Variants in PRKN observed in about 807,000 individuals in gnomAD.
PRKN encodes the protein parkin RBR E3 ubiquitin protein ligase, also known as E3 ubiquitin-protein ligase parkin.
A neutral mutation model predicts 59.5 loss-of-function variants in PRKN; 56 were observed. That is an observed-to-expected ratio of 0.94 (90% CI 0.76 to 1.18). The LOEUF (loss-of-function observed/expected upper bound fraction) is 1.18, where lower values mean the gene tolerates loss of function less well. Ranked by LOEUF, PRKN falls within the 50% of genes most tolerant of loss-of-function variation. The pLI is 0.00. For missense variants in PRKN, 657 were observed against 596.4 expected (o/e 1.10, Z -1.06); for synonymous variants, 250 against 222.1 (o/e 1.13, Z -1.12).
intron 1 of PRKN, among the ~76,000 whole-genome samples, chr6:162,497,648 T>C (rs1793126666): frequency 1.3e-5 from 2 of 152,238 alleles, no homozygotes; most frequent in African/African-American, 4.8e-5. Context: ...AATAAAGCTC[T>C]GCAATGTTGA....
chr6:162,647,572 AT>A (rs1583976842), intron 1 of PRKN, among the ~76,000 whole-genome samples: 1 of 152,296 alleles, frequency 6.6e-6, no homozygotes, highest in East Asian at 1.9e-4. Flanking sequence ...AAGCTGAATT[AT>A]TAATAATATA....
chr6:162,542,461 A>G (rs946582268), intron 1 of PRKN, among the ~76,000 whole-genome samples: 1 of 152,140 alleles, frequency 6.6e-6, no homozygotes, highest in African/African-American at 2.4e-5. Context: ...CCTTAAATCT[A>G]TAAGAAACAT....
At chr6:161,491,683 T>G (rs1196635767) in intron 9 of PRKN, among the ~76,000 whole-genome samples, 1 of 151,650 alleles carries the variant, frequency 6.6e-6, no homozygotes, top group East Asian at 1.9e-4. Context: ...CGGGCTGGAG[T>G]GCAATGGCGC....
At chr6:162,387,830 G>T (rs1459178404) in intron 2 of PRKN, among the ~76,000 whole-genome samples, 1 of 152,174 alleles carries the variant, frequency 6.6e-6, no homozygotes, top group South Asian at 2.1e-4. Context: ...GTGGAAATCT[G>T]CATGGGAGGA....
chr6:162,655,020 A>C (rs1325211456), intron 1 of PRKN, among the ~76,000 whole-genome samples: 7 of 152,136 alleles, frequency 4.6e-5, no homozygotes, highest in Admixed American at 4.6e-4. Flanking sequence ...TTTTCTAACA[A>C]TTCTGTATGC....
At position 161,898,045 on chromosome 6, in the gene PRKN, C is replaced by A. The variant is rs1279544510; in HGVS notation, c.734+75257G>T. On this transcript the variant is annotated intron_variant, in intron 6 of 11. Coordinates refer to ENST00000366898, the MANE Select transcript of PRKN (RefSeq NM_004562.3). ...GCTACATCTTCAATTAAATCAAGAA[C>A]AAATCTCTGATTATTGAGTTTTAAG... Among the ~76,000 whole-genome samples the A allele has an allele frequency of 2.1e-5, 3 of 143,986 alleles. No individual in the cohort carries two copies. The Admixed American group carries it at 2.1e-4, about 10-fold the overall frequency. 94.5% of individuals were successfully genotyped at this position (143,986 alleles called of 152,430 possible). A position where few individuals can be genotyped will look rare whatever the true frequency, so the allele number is the denominator to read the frequency against.
At chr6:161,973,280 G>A in intron 6 of PRKN, 22 bp downstream of exon 6, 1 of 1,468,372 alleles carries the variant, frequency 6.8e-7, no homozygotes. Context: ...GGAGGGAAGT[G>A]ACACTATTTT....
intron 9 of PRKN, among the ~76,000 whole-genome samples, chr6:161,521,103 A>G (rs1286224514): frequency 6.6e-6 from 1 of 152,200 alleles, no homozygotes; most frequent in Non-Finnish European, 1.5e-5. Flanking sequence ...TCTCAAAGTC[A>G]TAAGAGAGCT....
chr6:162,517,001 A>G (rs896143691), intron 1 of PRKN, among the ~76,000 whole-genome samples: 2 of 152,060 alleles, frequency 1.3e-5, no homozygotes, highest in South Asian at 2.1e-4. Context: ...AGAATGTCCT[A>G]TGGTGGAAAT....
At chr6:161,622,600 G>A (rs1320222128) in intron 7 of PRKN, among the ~76,000 whole-genome samples, 1 of 152,190 alleles carries the variant, frequency 6.6e-6, no homozygotes, top group East Asian at 1.9e-4. Context: ...CACAGTCCAT[G>A]TGAGCCTGAA....
At chr6:161,959,804 G>A (rs923113121) in intron 6 of PRKN, among the ~76,000 whole-genome samples, 1 of 152,100 alleles carries the variant, frequency 6.6e-6, no homozygotes, top group African/African-American at 2.4e-5. Context: ...TTCAAAGTGT[G>A]TTCACAGAAA....
intron 1 of PRKN, among the ~76,000 whole-genome samples, chr6:162,725,053 G>T: frequency 6.6e-6 from 1 of 152,216 alleles, no homozygotes; most frequent in East Asian, 1.9e-4. Flanking sequence ...CTCCGTTTGT[G>T]AAGTGTGTAT....
intron 6 of PRKN, among the ~76,000 whole-genome samples, chr6:161,885,664 C>CAAAA (rs57209835): frequency 8.8e-6 from 1 of 114,228 alleles, no homozygotes; most frequent in Non-Finnish European, 1.9e-5. Context: ...GACTCTGTCT[C>CAAAA]AAAAAAAAAA....
At chr6:162,215,173 CA>C (rs1777586219) in intron 3 of PRKN, among the ~76,000 whole-genome samples, 1 of 152,198 alleles carries the variant, frequency 6.6e-6, no homozygotes, top group Non-Finnish European at 1.5e-5. Context: ...TTCTATCTCA[CA>C]ATATCCCATA....
At chr6:161,970,590 C>T (rs1001254366) in intron 6 of PRKN, among the ~76,000 whole-genome samples, 13 of 151,320 alleles carry the variant, frequency 8.6e-5, no homozygotes, top group Non-Finnish European at 1.9e-4. Context: ...CTGGCTGGAG[C>T]GCAGTGGTAC....
At chr6:162,384,662 A>C (rs1446442290) in intron 2 of PRKN, among the ~76,000 whole-genome samples, 1 of 142,988 alleles carries the variant, frequency 7.0e-6, no homozygotes, top group Non-Finnish European at 1.5e-5. Flanking sequence ...AAAAAAAAAA[A>C]CAAAAAAAAA....
At chr6:162,229,747 T>C (rs1417487790) in intron 3 of PRKN, among the ~76,000 whole-genome samples, 1 of 152,208 alleles carries the variant, frequency 6.6e-6, no homozygotes, top group Non-Finnish European at 1.5e-5. Flanking sequence ...CCTCAATCTA[T>C]CCAGCACTCG....
At chr6:162,600,944 C>G (rs907311896) in intron 1 of PRKN, among the ~76,000 whole-genome samples, 1 of 152,160 alleles carries the variant, frequency 6.6e-6, no homozygotes, top group African/African-American at 2.4e-5. Flanking sequence ...TCAGACATTT[C>G]TTTATAGTAG....
At chr6:162,224,246 G>A (rs188628503) in intron 3 of PRKN, among the ~76,000 whole-genome samples, 41 of 152,262 alleles carry the variant, frequency 2.7e-4, no homozygotes, top group African/African-American at 9.6e-4. Context: ...TACAGTGGTA[G>A]TTTTATAACA....
Sources: gnomAD v4.1 joint callset for allele counts (sites outside exome capture counted in the v4.1 genomes callset) on GRCh38, gnomAD v4.1.1 for gene constraint, MANE v1.5 for transcripts, NCBI Gene and HGNC (gene_info 2026-07-23, HGNC 2026-07-21) for gene names.